Variants in MTFR1 observed in about 807,000 individuals in gnomAD.
MTFR1 encodes mitochondrial fission regulator 1.
In MTFR1, 28 loss-of-function variants were observed where a neutral mutation model predicts 38.8. The ratio of observed to expected loss-of-function variants is 0.72; its 90% CI spans 0.53 to 0.99. MTFR1 has a LOEUF of 0.99. Ranked by LOEUF, MTFR1 falls within the 50% of genes least tolerant of loss-of-function variation. The probability of loss-of-function intolerance (pLI) is 0.00; values close to 1 mark genes in which losing one functional copy is unlikely to be tolerated. For missense variants in MTFR1, 358 were observed against 395.5 expected (o/e 0.91, Z 0.81); for synonymous variants, 145 against 137.0 (o/e 1.06, Z -0.41).
intron 3 of MTFR1, among the ~76,000 whole-genome samples, chr8:65,689,140 G>C (rs1178629840): frequency 3.3e-5 from 5 of 152,088 alleles, no homozygotes; most frequent in Non-Finnish European, 5.9e-5. Flanking sequence ...ACAAGACTTG[G>C]TCTCAAAAAC....
chr8:65,648,923 C>T (rs1039204919), intron 1 of MTFR1, among the ~76,000 whole-genome samples: 2 of 151,822 alleles, frequency 1.3e-5, no homozygotes, highest in Admixed American at 6.6e-5. Flanking sequence ...TTTTTTTCAC[C>T]TCCCTCCCTT....
intron 3 of MTFR1, among the ~76,000 whole-genome samples, chr8:65,746,940 A>G (rs557836030): frequency 5.3e-5 from 8 of 152,358 alleles, no homozygotes; most frequent in Admixed American, 6.5e-5. Flanking sequence ...ATATTAAGTC[A>G]AATATAACTT....
intron 4 of MTFR1, among the ~76,000 whole-genome samples, chr8:65,694,051 C>A (rs2129056383): frequency 6.6e-6 from 1 of 150,930 alleles, no homozygotes; most frequent in African/African-American, 2.4e-5. Flanking sequence ...CACAGGCATG[C>A]ACCACCAACC....
At chr8:65,653,340 C>T (rs753845342) in intron 1 of MTFR1, among the ~76,000 whole-genome samples, 6 of 152,046 alleles carry the variant, frequency 3.9e-5, no homozygotes, top group Admixed American at 6.6e-5. Flanking sequence ...GGTGAAACTC[C>T]GTCTCTACAA....
intron 3 of MTFR1, among the ~76,000 whole-genome samples, chr8:65,735,088 A>G (rs1266054623): frequency 6.6e-6 from 1 of 152,184 alleles, no homozygotes; most frequent in Non-Finnish European, 1.5e-5. Context: ...TTGACTCTCT[A>G]TGCTATCATG....
At chr8:65,666,111 A>G (rs112338543) in intron 1 of MTFR1, among the ~76,000 whole-genome samples, 3,306 of 152,318 alleles carry the variant, frequency 0.022, 121 homozygotes, top group African/African-American at 0.075. Context: ...AAAATATTAA[A>G]ATAGAAAACA....
chr8:65,767,414 T>C (rs1183550351), intron 3 of MTFR1, among the ~76,000 whole-genome samples: 1 of 152,240 alleles, frequency 6.6e-6, no homozygotes, highest in East Asian at 1.9e-4. Flanking sequence ...ATGATGTATA[T>C]ATTGGTTTTC....
chr8:65,663,822 CTTTTTTT>C (rs1035579864), intron 1 of MTFR1, among the ~76,000 whole-genome samples: 1 of 78,578 alleles, frequency 1.3e-5, no homozygotes, highest in Non-Finnish European at 2.5e-5. Flanking sequence ...AATTTCTTTT[CTTTTTTT>C]TTTTTTTTTT....
Position 65,707,886 on chromosome 8 carries a change from C to A in MTFR1, c.808C>A (p.Pro270Thr). 1 of 1,614,110 alleles carries A rather than the reference C, an allele frequency of 6.2e-7. No homozygotes were observed. The highest frequency in any genetic ancestry group is 8.5e-7 in the Non-Finnish European group (1 of 1,180,016). Residue 270 changes from proline to threonine, a missense_variant, in exon 7 of 8, where the codon CCT becomes ACT. Coordinates refer to ENST00000262146, the MANE Select transcript of MTFR1 (RefSeq NM_014637.4). ...GCCCAAGCCAGTGGATGCTACTGAC[C>A]CTGCTGCCCTCATAGCAGAGGCTCT... ...VKPKPVDATD[P>T]AALIAEALKK...
chr8:65,753,882 T>TA (rs1808087551), intron 3 of MTFR1, among the ~76,000 whole-genome samples: 1 of 152,196 alleles, frequency 6.6e-6, no homozygotes, highest in African/African-American at 2.4e-5. Flanking sequence ...TTTTATCTCA[T>TA]AACCTTTTTT....
At chr8:65,775,454 A>T (rs1249108129), downstream of MTFR1, among the ~76,000 whole-genome samples, 1 of 152,244 alleles carries the variant, frequency 6.6e-6, no homozygotes, top group Non-Finnish European at 1.5e-5. Context: ...TGAATTTCAT[A>T]GATTTTCCCA....
At chr8:65,725,866 A>G (rs922294197) in intron 3 of MTFR1, among the ~76,000 whole-genome samples, 1 of 152,214 alleles carries the variant, frequency 6.6e-6, no homozygotes, top group Non-Finnish European at 1.5e-5. Context: ...TCTTAATTTT[A>G]AGAACCCATA....
intron 3 of MTFR1, among the ~76,000 whole-genome samples, chr8:65,762,191 C>A (rs572286527): frequency 4.6e-5 from 7 of 152,244 alleles, no homozygotes; most frequent in Non-Finnish European, 8.8e-5. Flanking sequence ...TTAAAACAAA[C>A]CTGAAGATGT....
At chr8:65,703,438 T>TTTTG (rs1805682172) in intron 4 of MTFR1, among the ~76,000 whole-genome samples, 1 of 130,442 alleles carries the variant, frequency 7.7e-6, no homozygotes, top group African/African-American at 3.0e-5. Context: ...TTTTTTTTTT[T>TTTTG]TTTTTTTTTT....
chr8:65,727,355 C>T (rs1437576441), intron 3 of MTFR1: 56 of 1,601,404 alleles, frequency 3.5e-5, no homozygotes, highest in East Asian at 4.5e-5. Flanking sequence ...ATAAGCTCTA[C>T]GCCATCACAG....
At chr8:65,729,081 G>A (rs1806725945) in intron 3 of MTFR1, among the ~76,000 whole-genome samples, 1 of 151,976 alleles carries the variant, frequency 6.6e-6, no homozygotes, top group African/African-American at 2.4e-5. Flanking sequence ...AACTTTTTAA[G>A]GTGGATTAAA....
chr8:65,677,510 G>A (rs1804749669), intron 2 of MTFR1, among the ~76,000 whole-genome samples: 1 of 150,294 alleles, frequency 6.7e-6, no homozygotes, highest in Admixed American at 6.6e-5. Context: ...AGCCTCCTGA[G>A]TAGCTGGGAT....
At chr8:65,742,421 A>G (rs1383731274) in intron 3 of MTFR1, among the ~76,000 whole-genome samples, 1 of 152,184 alleles carries the variant, frequency 6.6e-6, no homozygotes, top group African/African-American at 2.4e-5. Flanking sequence ...CTACCAGACA[A>G]TAACTACTTC....
At chr8:65,680,083 A>T (rs950286619) in intron 2 of MTFR1, among the ~76,000 whole-genome samples, 1 of 151,800 alleles carries the variant, frequency 6.6e-6, no homozygotes, top group Non-Finnish European at 1.5e-5. Flanking sequence ...AAAATGTGTG[A>T]TAAAAATTAT....
Sources: gnomAD v4.1 joint callset for allele counts (sites outside exome capture counted in the v4.1 genomes callset) on GRCh38, gnomAD v4.1.1 for gene constraint, MANE v1.5 for transcripts, NCBI Gene and HGNC (gene_info 2026-07-23, HGNC 2026-07-21) for gene names.